The following WWP2 variants were observed in gnomAD, a reference collection of about 807,000 sequenced individuals.
WWP2 encodes the protein WW domain containing E3 ubiquitin protein ligase 2, also known as NEDD4-like E3 ubiquitin-protein ligase WWP2.
Under a neutral mutation model 121.0 loss-of-function variants are expected in WWP2, and 57 were observed. The observed-to-expected ratio is 0.47, with a 90% CI of 0.38 to 0.59. WWP2 has a LOEUF of 0.59. Among genes scored for constraint, WWP2 ranks in the 20% least tolerant of loss-of-function variants. The pLI is 0.00. For missense variants in WWP2, 962 were observed against 1,158.9 expected (o/e 0.83, Z 2.47); for synonymous variants, 449 against 441.3 (o/e 1.02, Z -0.22).
At chr16:69,818,605 T>C (rs1384877652) in intron 4 of WWP2, among the ~76,000 whole-genome samples, 5 of 152,186 alleles carry the variant, frequency 3.3e-5, no homozygotes, top group African/African-American at 1.2e-4. Context: ...CTAAACCCAA[T>C]GGTCACTTCT....
At chr16:69,868,488 AG>A (rs1222298350) in intron 6 of WWP2, among the ~76,000 whole-genome samples, 1 of 152,134 alleles carries the variant, frequency 6.6e-6, no homozygotes, top group Non-Finnish European at 1.5e-5. Context: ...AGGGGTTGAC[AG>A]TGCACGTTTT....
intron 8 of WWP2, among the ~76,000 whole-genome samples, chr16:69,899,097 A>G (rs929967646): frequency 7.2e-5 from 11 of 152,174 alleles, no homozygotes; most frequent in Non-Finnish European, 1.5e-4. Flanking sequence ...TGTCTTTTCA[A>G]TTTGCTTATG....
chr16:69,934,134 G>A lies in WWP2; in HGVS notation c.1842+5G>A, dbSNP rs2058760718. 1 of 1,614,050 alleles carries A rather than the reference G, an allele frequency of 6.2e-7. No homozygotes were observed. The highest frequency in any genetic ancestry group is 2.2e-5 in the East Asian group (1 of 44,880). On this transcript the variant is annotated splice_donor_5th_base_variant and intron_variant, in intron 17 of 23. Transcript: ENST00000359154. The stretch of plus-strand genomic sequence containing the variant: ...ATAGGCAGATTCATCGCCATGGTAA[G>A]GGGGCCCCAGGGGTCTGCCTAGTTC...
Position 69,881,534 on chromosome 16 carries a change from C to A in WWP2, c.704-6505C>A, listed in dbSNP as rs532718180. The stretch of plus-strand genomic sequence containing the variant: ...CTGGAGTTTAGTTAATAGTAGTATA[C>A]TAATTATTATTTTAGCATTGGCAAA... On this transcript the variant is annotated intron_variant, in intron 7 of 23. Coordinates refer to ENST00000359154, the MANE Select transcript of WWP2 (RefSeq NM_001270454.2). 8.9e-4 allele frequency among the ~76,000 whole-genome samples: 135 copies of A among 152,206 alleles called. 1 individual carries two copies. Among genetic ancestry groups the A allele is most frequent in the African/African-American group, 3.1e-3 (127 of 41,504 alleles).
At chr16:69,865,662 ATATT>A (rs2057508019) in intron 6 of WWP2, among the ~76,000 whole-genome samples, 1 of 152,248 alleles carries the variant, frequency 6.6e-6, no homozygotes, top group Non-Finnish European at 1.5e-5. Context: ...GAAGCTATAA[ATATT>A]TATGAAGGGG....
In WWP2 at chr16:69,820,597, C is replaced by A. The variant is rs1292299034; in HGVS notation, c.341-19529C>A. Among the ~76,000 whole-genome samples, 3 of 131,358 alleles carry A rather than the reference C, an allele frequency of 2.3e-5. 1 individual carries two copies. The highest frequency in any genetic ancestry group is 4.5e-4 in the East Asian group (2 of 4,396). The allele number at this position is 131,358 out of a possible 152,430, so 86.2% of individuals were successfully genotyped here. On this transcript the variant is annotated intron_variant, in intron 4 of 23. Coordinates refer to ENST00000359154, the MANE Select transcript of WWP2 (RefSeq NM_001270454.2). ...GGACCACACGTATTGTATATTGTGG[C>A]CTTGAAAAAACTGTCTTAATTGTGA...
chr16:69,888,555 G>A lies in WWP2; in HGVS notation c.914+306G>A, dbSNP rs751563211. 2.6e-5 allele frequency among the ~76,000 whole-genome samples: 4 copies of A among 152,172 alleles called. No individual in the cohort carries two copies. In the South Asian group the frequency reaches 8.3e-4, roughly 32 times the overall value. ...TTGCTTTCCTGAATCATTGGAGGATGTTCGCCTAGATCCTGCCTAGAAAAC... is the reference window on the plus strand; with the variant it reads ...TTGCTTTCCTGAATCATTGGAGGATATTCGCCTAGATCCTGCCTAGAAAAC... On this transcript the variant is annotated intron_variant, in intron 8 of 23. Coordinates refer to ENST00000359154, the MANE Select transcript of WWP2 (RefSeq NM_001270454.2).
chr16:69,771,124 A>C (rs1372108826), intron 1 of WWP2, among the ~76,000 whole-genome samples: 1 of 152,126 alleles, frequency 6.6e-6, no homozygotes, highest in Non-Finnish European at 1.5e-5. Context: ...CAGAAGATTG[A>C]CAGGTCTGAA....
chr16:69,933,875 C>CT, intron 16 of WWP2, 95 bp from the exon 17 acceptor site: 5 of 1,445,948 alleles, frequency 3.5e-6, no homozygotes, highest in Non-Finnish European at 4.7e-6. Context: ...TGTCCCCATA[C>CT]TAACCTGAGA....
Position 69,939,975 on chromosome 16 carries a change from T to C in WWP2, c.*35T>C. 4 of 1,576,186 alleles carry C rather than the reference T, an allele frequency of 2.5e-6. No individual in the cohort carries two copies. Among genetic ancestry groups the C allele is most frequent in the Non-Finnish European group, 2.6e-6 (3 of 1,153,402 alleles). ...CCCCTCCCACGCCCCCCAGCGCACA[T>C]GTAGTCCTGAGTCCTCCCTGCCTGA... On this transcript the variant is annotated 3_prime_UTR_variant, in exon 24 of 24. Coordinates refer to ENST00000359154, the MANE Select transcript of WWP2 (RefSeq NM_001270454.2).
At chr16:69,827,783 T>C (rs1235771133) in intron 4 of WWP2, 6 of 425,396 alleles carry the variant, frequency 1.4e-5, no homozygotes, top group East Asian at 7.0e-5. Context: ...TGGCAGGGAC[T>C]CTCCCTCCCC....
chr16:69,940,221 C>T lies in WWP2; in HGVS notation c.*281C>T. 2.1e-6 allele frequency: 1 copy of T among 466,116 alleles called. No individual in the cohort carries two copies. The highest frequency in any genetic ancestry group is 3.3e-5 in the South Asian group (1 of 30,352). 28.9% of individuals were successfully genotyped at this position (466,116 alleles called of 1,614,324 possible). On this transcript the variant is annotated 3_prime_UTR_variant, in exon 24 of 24. Coordinates refer to ENST00000359154, the MANE Select transcript of WWP2 (RefSeq NM_001270454.2). ...CCTCTCTGCAAAACTCTCCCCTGTCCTCTAGACCCCACCCTGGGTGTATGT... is the reference window on the plus strand; with the variant it reads ...CCTCTCTGCAAAACTCTCCCCTGTCTTCTAGACCCCACCCTGGGTGTATGT...
At chr16:69,791,188 A>G (rs1476244930) in intron 2 of WWP2, among the ~76,000 whole-genome samples, 1 of 151,636 alleles carries the variant, frequency 6.6e-6, no homozygotes, top group Non-Finnish European at 1.5e-5. Flanking sequence ...TTTTGGGGCC[A>G]TGTTATTCAG....
chr16:69,824,093 TG>T (rs1331297015), intron 4 of WWP2, among the ~76,000 whole-genome samples: 7 of 152,218 alleles, frequency 4.6e-5, no homozygotes, highest in Non-Finnish European at 1.0e-4. Context: ...ATCTGGTGTT[TG>T]GGCCTCTGCT....
At chr16:69,825,590 A>G (rs1469500629) in intron 4 of WWP2, among the ~76,000 whole-genome samples, 1 of 151,448 alleles carries the variant, frequency 6.6e-6, no homozygotes, top group Admixed American at 6.6e-5. Context: ...TATTTATTGT[A>G]AAGACGATAT....
At chr16:69,893,764 G>A (rs1233285106) in intron 8 of WWP2, among the ~76,000 whole-genome samples, 2 of 152,052 alleles carry the variant, frequency 1.3e-5, no homozygotes, top group African/African-American at 2.4e-5. Context: ...GGCTGTGCTC[G>A]AACGCCTGAC....
chr16:69,897,310 T>C (rs906834307), intron 8 of WWP2, among the ~76,000 whole-genome samples: 2 of 152,056 alleles, frequency 1.3e-5, no homozygotes, highest in Non-Finnish European at 1.5e-5. Flanking sequence ...GCCGTGTTGC[T>C]CAGGCTGGTC....
At chr16:69,896,094 A>G (rs1284383892) in intron 8 of WWP2, among the ~76,000 whole-genome samples, 1 of 152,160 alleles carries the variant, frequency 6.6e-6, no homozygotes, top group Non-Finnish European at 1.5e-5. Context: ...GTATTCATGC[A>G]TAATTATTCA....
At chr16:69,880,651 C>A (rs1176526707) in intron 7 of WWP2, among the ~76,000 whole-genome samples, 2 of 152,198 alleles carry the variant, frequency 1.3e-5, no homozygotes, top group Non-Finnish European at 2.9e-5. Flanking sequence ...CTTCACTCAT[C>A]CCATGCCGTG....
Sources: gnomAD v4.1 joint callset for allele counts (sites outside exome capture counted in the v4.1 genomes callset) on GRCh38, gnomAD v4.1.1 for gene constraint, MANE v1.5 for transcripts, NCBI Gene and HGNC (gene_info 2026-07-23, HGNC 2026-07-21) for gene names.